The following SIN3B variants were observed in gnomAD, a reference collection of about 807,000 sequenced individuals.
SIN3B encodes the protein SIN3 transcription regulator family member B.
Under a neutral mutation model 120.2 loss-of-function variants are expected in SIN3B, and 19 were observed. The ratio of observed to expected loss-of-function variants is 0.16; its 90% confidence interval spans 0.11 to 0.23. The LOEUF (loss-of-function observed/expected upper bound fraction) is 0.23. Ranked by LOEUF, SIN3B falls within the 10% of genes least tolerant of loss-of-function variation. The probability of loss-of-function intolerance (pLI) is 1.00; values close to 1 mark genes in which losing one functional copy is unlikely to be tolerated. For missense variants in SIN3B, 1,073 were observed against 1,573.0 expected (o/e 0.68, Z 5.38); for synonymous variants, 654 against 653.2 (o/e 1.00, Z -0.02).
At chr19:16,866,317 G>A (rs1176338925) in intron 11 of SIN3B, 56 bp from the exon 12 acceptor site, 100 of 1,530,306 alleles carry the variant, frequency 6.5e-5, no homozygotes, top group Non-Finnish European at 8.7e-5. Flanking sequence ...GCCCTGGGAT[G>A]CTTCAGGGAG....
rs767585468 is a variant in SIN3B at position 16,869,868 on chromosome 19, G to A, written c.2215G>A (p.Val739Ile). The A allele has an allele frequency of 1.9e-6, 3 of 1,614,100 alleles. No homozygotes were observed. The African/African-American group carries it at 4.0e-5, about 22-fold the overall frequency. The change falls in exon 13 of 19, where the codon GTC becomes ATC. Residue 739 changes from valine to isoleucine, a missense_variant. Coordinates refer to ENST00000248054, the MANE Select transcript of SIN3B (RefSeq NM_001297595.2). ...AGCCCCGCACAAGCCCCTGGACGAT[G>A]TCTACAGCCTATTTTTTGCCAACAA... ...PPAPHKPLDD[V>I]YSLFFANNNW...
Position 16,876,422 on chromosome 19 carries a change from G to A in SIN3B, c.2767-64G>A, listed in dbSNP as rs2051607847. ...AAAGGCGGGAGGCGGGTGGCCTTGCGAGCCTGCGCTGTGCCGGCTGGGCTG... is the reference window on the plus strand; with the variant it reads ...AAAGGCGGGAGGCGGGTGGCCTTGCAAGCCTGCGCTGTGCCGGCTGGGCTG... On this transcript the variant is annotated intron_variant, in intron 15 of 18. Transcript: ENST00000248054. The surrounding 1 kb of genome is among the most constrained non-coding windows in gnomAD (Gnocchi z 7.1). The A allele has an allele frequency of 5.8e-6, 9 of 1,542,030 alleles. No individual in the cohort carries two copies. Among genetic ancestry groups the A allele is most frequent in the Admixed American group, 3.5e-5 (2 of 56,780 alleles).
At chr19:16,829,956 C>G in intron 2 of SIN3B, 59 bp downstream of exon 2, 2 of 1,199,226 alleles carry the variant, frequency 1.7e-6, no homozygotes, top group Non-Finnish European at 2.5e-6. Context: ...TCGGGCCTAG[C>G]GGGGTGAGAC....
rs1241860332 is a variant in SIN3B, at chr19:16,878,617, G to T, written c.3283G>T (p.Glu1095Ter). The change falls in exon 19 of 19, where the codon GAG becomes TAG. Residue 1095 changes from glutamate (E) to a stop codon, truncating the protein, a stop_gained. Transcript: ENST00000248054. LOFTEE classifies it high-confidence loss of function. The part of the protein sequence containing the change: ...SLVQDWLMGE[E>*]DEDMVPCKTL... ...GGTGCAGGACTGGCTGATGGGTGAG[G>T]AGGACGAGGACATGGTACCCTGCAA... 2 of 1,613,092 alleles carry T rather than the reference G, an allele frequency of 1.2e-6. No individual in the cohort carries two copies. The highest frequency in any genetic ancestry group is 1.3e-5 in the African/African-American group (1 of 74,920).
rs1221137836 is a variant in SIN3B at position 16,871,161 on chromosome 19, C to T, written c.2423-68C>T. 5 of 1,592,348 alleles carry T rather than the reference C, an allele frequency of 3.1e-6. No homozygotes were observed. The African/African-American group carries it at 5.4e-5, about 17-fold the overall frequency. On this transcript the variant is annotated intron_variant, in intron 13 of 18. Coordinates refer to ENST00000248054, the MANE Select transcript of SIN3B (RefSeq NM_001297595.2). Reference sequence around the variant, plus strand: ...GGGCATTTGTTGGGGCTCTGTCATGCCAGAGTTTGGCCTGCGTGACTTTGC... The same window carrying T: ...GGGCATTTGTTGGGGCTCTGTCATGTCAGAGTTTGGCCTGCGTGACTTTGC...
intron 2 of SIN3B, 138 bp downstream of exon 2, chr19:16,830,035 G>C: frequency 3.3e-6 from 2 of 613,488 alleles, no homozygotes; most frequent in Non-Finnish European, 3.0e-6. Context: ...CAGAGCCCTA[G>C]CTCCTTCTCG....
intron 8 of SIN3B, among the ~76,000 whole-genome samples, chr19:16,860,549 G>A (rs2144606733): frequency 1.3e-5 from 2 of 151,996 alleles, no homozygotes; most frequent in Admixed American, 1.3e-4. Context: ...GGGCTGGGTG[G>A]CTAGGTCACA....
rs1971544908 is a variant in SIN3B, at chr19:16,851,485, G to A, written c.800G>A (p.Arg267Lys). ...CACGACAAGACCCCGGAGCACAGCAGGAAGCGCTCCCGGCCCTCGCTCCTC... is the reference window on the plus strand; with the variant it reads ...CACGACAAGACCCCGGAGCACAGCAAGAAGCGCTCCCGGCCCTCGCTCCTC... ...NEHDKTPEHS[R>K]KRSRPSLLRP... Residue 267 changes from arginine (R) to lysine (K), a missense_variant, in exon 6 of 19, where the codon AGG becomes AAG. Transcript: ENST00000248054. 1.9e-6 allele frequency: 3 copies of A among 1,609,766 alleles called. No homozygotes were observed. In the South Asian group the frequency reaches 3.3e-5, roughly 18 times the overall value.
intron 5 of SIN3B, among the ~76,000 whole-genome samples, chr19:16,850,973 G>GCC (rs1971536908): frequency 2.0e-5 from 3 of 152,114 alleles, no homozygotes; most frequent in African/African-American, 7.2e-5. Flanking sequence ...TGGCCCCAAG[G>GCC]CCCCCACCAG....
chr19:16,875,363 C>T (rs1199089040), intron 14 of SIN3B, among the ~76,000 whole-genome samples: 4 of 120,690 alleles, frequency 3.3e-5, no homozygotes, highest in African/African-American at 6.7e-5. Flanking sequence ...TCTGTTTGGT[C>T]TGGTCTGGTT....
intron 3 of SIN3B, among the ~76,000 whole-genome samples, chr19:16,834,070 C>T (rs1971314382): frequency 6.6e-6 from 1 of 152,108 alleles, no homozygotes. Flanking sequence ...GGCCACTGAA[C>T]TCTGAAGAGC....
At position 16,847,105 on chromosome 19, in the gene SIN3B, C is replaced by T; in HGVS notation, c.718C>T (p.Arg240Trp). The T allele has an allele frequency of 1.9e-6, 3 of 1,611,232 alleles. No individual in the cohort carries two copies. Among genetic ancestry groups the T allele is most frequent in the Non-Finnish European group, 2.5e-6 (3 of 1,177,726 alleles). ...TGGACAGTTCCTGCCCGAAGCCAAG[C>T]GGTCTCTGGTGAGTGCCGAGAGCCC... ...EFGQFLPEAK[R>W]SLFTGNGPCE... Residue 240 changes from arginine (R) to tryptophan (W), a missense_variant, in exon 5 of 19, where the codon CGG becomes TGG. Physicochemically the swap from Arg to Trp is moderately radical, Grantham distance 101. Transcript: ENST00000248054.
intron 7 of SIN3B, 23 bp downstream of exon 7, chr19:16,853,181 A>G (rs1233476380): frequency 1.2e-6 from 2 of 1,601,426 alleles, no homozygotes; most frequent in African/African-American, 1.3e-5. Flanking sequence ...CCTGGCTTCC[A>G]TCTTGGGGAT....
chr19:16,854,332 G>C (rs1971584555), intron 8 of SIN3B, 71 bp downstream of exon 8: 1 of 920,566 alleles, frequency 1.1e-6, no homozygotes. Context: ...TTGGTTTTTA[G>C]TTACTGTTTT....
chr19:16,849,017 A>G (rs964519963), intron 5 of SIN3B, among the ~76,000 whole-genome samples: 4 of 152,264 alleles, frequency 2.6e-5, no homozygotes, highest in Non-Finnish European at 5.9e-5. Context: ...AATAACATTT[A>G]TTACCAATTT....
At position 16,862,130 on chromosome 19, in the gene SIN3B, C is replaced by T. The variant is rs1971697254; in HGVS notation, c.1059-222C>T. ...TGGGATTAATAGGCACAGGAAGGGA[C>T]CTGGTGTGTGACAGATGGGTGGGAG... On this transcript the variant is annotated intron_variant, in intron 8 of 18. Transcript: ENST00000248054. The surrounding 1 kb of genome is among the most constrained non-coding windows in gnomAD (Gnocchi z 4.7). Among the ~76,000 whole-genome samples the T allele has an allele frequency of 6.6e-6, 1 of 152,126 alleles. No homozygotes were observed. Among genetic ancestry groups the T allele is most frequent in the African/African-American group, 2.4e-5 (1 of 41,418 alleles).
intron 8 of SIN3B, among the ~76,000 whole-genome samples, chr19:16,860,361 A>AT (rs1239259118): frequency 1.3e-5 from 2 of 151,946 alleles, no homozygotes; most frequent in East Asian, 3.9e-4. Context: ...AGCAGTCACG[A>AT]TTTGCGTTTA....
At chr19:16,861,711 C>T (rs1227674982) in intron 8 of SIN3B, among the ~76,000 whole-genome samples, 2 of 148,616 alleles carry the variant, frequency 1.3e-5, no homozygotes, top group Non-Finnish European at 3.0e-5. Flanking sequence ...TGAAGTGAGC[C>T]GAGATTGTGC....
intron 10 of SIN3B, among the ~76,000 whole-genome samples, chr19:16,864,400 A>C (rs1394363627): frequency 6.6e-6 from 1 of 151,748 alleles, no homozygotes; most frequent in Non-Finnish European, 1.5e-5. Flanking sequence ...GTAATCATGG[A>C]TCGCTGCAGC....
Sources: allele counts gnomAD v4.1 joint callset (sites outside exome capture counted in the v4.1 genomes callset), GRCh38; gene constraint gnomAD v4.1.1; non-coding constraint Gnocchi (gnomAD v3.1); transcripts MANE v1.5; gene names NCBI Gene and HGNC (gene_info 2026-07-23, HGNC 2026-07-21).